The following DPH6 variants were observed in gnomAD, a reference collection of about 807,000 sequenced individuals.
The protein encoded by DPH6 is diphthine--ammonia ligase.
In DPH6, 33 loss-of-function variants were observed where a neutral mutation model predicts 38.2. The ratio of observed to expected loss-of-function variants is 0.86; its 90% CI spans 0.65 to 1.15. The LOEUF (loss-of-function observed/expected upper bound fraction) is 1.15. Ranked by LOEUF, DPH6 falls within the 50% of genes most tolerant of loss-of-function variation. The pLI is 0.00. For synonymous variants in DPH6, 108 were observed against 103.0 expected (o/e 1.05, Z -0.30); for missense variants, 325 against 320.0 (o/e 1.02, Z -0.12).
the DPH6 span, among the ~76,000 whole-genome samples, chr15:35,172,650 C>T: frequency 6.6e-6 from 1 of 152,294 alleles, no homozygotes; most frequent in East Asian, 1.9e-4. Context: ...ACTTAACTCT[C>T]AGAAACAGTT....
rs2052712538 is a variant in DPH6 at position 35,371,460 on chromosome 15, G to A, written c.*690C>T. 2 of 475,192 alleles carry A rather than the reference G, an allele frequency of 4.2e-6. No homozygotes were observed. Among genetic ancestry groups the A allele is most frequent in the African/African-American group, 4.2e-5 (2 of 47,262 alleles). 29.4% of individuals were successfully genotyped at this position (475,192 alleles called of 1,614,324 possible). A position where few individuals can be genotyped will look rare whatever the true frequency, so the allele number is the denominator to read the frequency against. On this transcript the variant is annotated 3_prime_UTR_variant, in exon 9 of 9. Coordinates refer to ENST00000256538, the MANE Select transcript of DPH6 (RefSeq NM_080650.4). ...AGGCTGTGAATGTGTGGAGGTAGAG[G>A]GTATATGGGAAATCTCTGCATTTTC...
At chr15:35,185,893 C>T in the DPH6 span, among the ~76,000 whole-genome samples, 2 of 149,750 alleles carry the variant, frequency 1.3e-5, no homozygotes, top group Non-Finnish European at 1.5e-5. Flanking sequence ...CCACCACGCC[C>T]GGCTAATTTT....
At position 35,287,502 on chromosome 15, in the gene DPH6, T is replaced by C. The variant is rs1025662377; in HGVS notation, n.201-66920A>G. 3.3e-5 allele frequency among the ~76,000 whole-genome samples: 5 copies of C among 152,316 alleles called. No individual in the cohort carries two copies. The East Asian group carries it at 9.6e-4, about 29-fold the overall frequency. On this transcript the variant is annotated intron_variant and non_coding_transcript_variant, in intron 3 of 3. Transcript: ENST00000560386. ...ATTGTAGGGCATTATTAGTTTCGTG[T>C]GTATCATGTTTCCAGATCTGAGTGT...
chr15:35,542,413 C>A lies in DPH6; in HGVS notation c.118G>T (p.Val40Leu). The change falls in exon 2 of 9, where the codon GTG becomes TTG. Residue 40 changes from valine (V) to leucine (L), a missense_variant and splice_region_variant. Val to Leu is a conservative substitution (Grantham distance 32). Coordinates refer to ENST00000256538, the MANE Select transcript of DPH6 (RefSeq NM_080650.4). ...LANLRPAENQ[V>L]GSDELDSYMY... ...CTTCCCAATAAAGGCATGTACTTACCTTGGTTTTCAGCTGGTCTTAGATTT... is the reference window on the plus strand; with the variant it reads ...CTTCCCAATAAAGGCATGTACTTACATTGGTTTTCAGCTGGTCTTAGATTT... The A allele has an allele frequency of 6.4e-7, 1 of 1,563,288 alleles. No individual in the cohort carries two copies. Among genetic ancestry groups the A allele is most frequent in the South Asian group, 1.2e-5 (1 of 86,088 alleles).
chr15:35,503,703 A>G (rs1003560779), intron 3 of DPH6, among the ~76,000 whole-genome samples: 5 of 152,056 alleles, frequency 3.3e-5, no homozygotes, highest in African/African-American at 1.2e-4. Flanking sequence ...ATTTATACAC[A>G]TATCTAAATG....
At chr15:35,422,008 C>T (rs912165236) in intron 5 of DPH6, among the ~76,000 whole-genome samples, 16 of 151,710 alleles carry the variant, frequency 1.1e-4, no homozygotes, top group African/African-American at 2.4e-4. Context: ...TATATAATAC[C>T]GGTGAATTGG....
At chr15:35,466,678 T>TA (rs1261735330) in intron 3 of DPH6, among the ~76,000 whole-genome samples, 2 of 152,152 alleles carry the variant, frequency 1.3e-5, no homozygotes, top group Non-Finnish European at 2.9e-5. Flanking sequence ...ATGAACATCA[T>TA]AGAGTGTATT....
chr15:35,350,142 A>G (rs1432043242), intron 3 of DPH6, among the ~76,000 whole-genome samples: 1 of 152,158 alleles, frequency 6.6e-6, no homozygotes, highest in East Asian at 1.9e-4. Flanking sequence ...TTGGTCTACA[A>G]AGAATTTTTA....
intron 3 of DPH6, among the ~76,000 whole-genome samples, chr15:35,310,774 G>A (rs2052134517): frequency 6.6e-6 from 1 of 152,038 alleles, no homozygotes; most frequent in African/African-American, 2.4e-5. Flanking sequence ...AATTGGCCGA[G>A]TGTGGTGGCT....
the DPH6 span, among the ~76,000 whole-genome samples, chr15:35,190,491 T>G: frequency 2.0e-5 from 3 of 152,188 alleles, no homozygotes; most frequent in East Asian, 5.8e-4. Context: ...CCGAACTGGC[T>G]GAGGCAGATT....
At chr15:35,413,007 GTAAGT>G in intron 5 of DPH6, among the ~76,000 whole-genome samples, 1 of 151,542 alleles carries the variant, frequency 6.6e-6, no homozygotes, top group Non-Finnish European at 1.5e-5. Flanking sequence ...ATGTGTCATT[GTAAGT>G]TCAACAATTT....
intron 3 of DPH6, among the ~76,000 whole-genome samples, chr15:35,242,827 A>G (rs2051609546): frequency 7.1e-6 from 1 of 141,384 alleles, no homozygotes; most frequent in South Asian, 2.5e-4. Context: ...TGTGCCCCCA[A>G]ATAACTTGTC....
chr15:35,446,870 C>CTTT (rs869297451), intron 5 of DPH6, among the ~76,000 whole-genome samples: 1 of 146,604 alleles, frequency 6.8e-6, no homozygotes, highest in Non-Finnish European at 1.5e-5. Flanking sequence ...TAGGTGGAAT[C>CTTT]TTTTTTTTTT....
chr15:35,406,128 A>T lies in DPH6; in HGVS notation c.567+4707T>A, dbSNP rs184419359. On this transcript the variant is annotated intron_variant, in intron 6 of 8. Transcript: ENST00000256538. ...AAAAATGGCAGCTCAAAGAAAGCTT[A>T]TTTAAGCAAGAAAACCTTACAGTAG... Among the ~76,000 whole-genome samples the T allele has an allele frequency of 5.7e-3, 867 of 152,198 alleles. 1 individual carries two copies. The highest frequency in any genetic ancestry group is 9.2e-3 in the Non-Finnish European group (627 of 67,964).
intron 3 of DPH6, among the ~76,000 whole-genome samples, chr15:35,516,924 T>C (rs1045001511): frequency 6.6e-6 from 1 of 152,132 alleles, no homozygotes; most frequent in African/African-American, 2.4e-5. Flanking sequence ...ATTTTGCTTG[T>C]GGTTCCAAAA....
intron 5 of DPH6, among the ~76,000 whole-genome samples, chr15:35,420,882 G>A (rs2053496786): frequency 2.0e-5 from 3 of 152,122 alleles, no homozygotes; most frequent in Admixed American, 2.0e-4. Context: ...AAAAACAGGG[G>A]CAGGACTCAA....
At chr15:35,217,087 T>C (rs1056508814), downstream of DPH6, among the ~76,000 whole-genome samples, 10 of 152,186 alleles carry the variant, frequency 6.6e-5, no homozygotes, top group African/African-American at 2.4e-4. Flanking sequence ...ATAGCAAATG[T>C]AAGTGATAAT....
At chr15:35,206,840 T>C in the DPH6 span, among the ~76,000 whole-genome samples, 28 of 152,246 alleles carry the variant, frequency 1.8e-4, no homozygotes, top group Non-Finnish European at 3.1e-4. Flanking sequence ...TTTCCATTTA[T>C]CAATAATGCC....
At chr15:35,280,352 T>G (rs2051889691) in intron 3 of DPH6, among the ~76,000 whole-genome samples, 1 of 152,136 alleles carries the variant, frequency 6.6e-6, no homozygotes, top group Non-Finnish European at 1.5e-5. Flanking sequence ...CAGAGAGTCT[T>G]AAGCAATAAA....
Sources: allele counts gnomAD v4.1 joint callset (sites outside exome capture counted in the v4.1 genomes callset), GRCh38; gene constraint gnomAD v4.1.1; transcripts MANE v1.5; gene names NCBI Gene and HGNC (gene_info 2026-07-23, HGNC 2026-07-21).